The following RCAN2 variants were observed in gnomAD, a reference collection of about 807,000 sequenced individuals.
RCAN2 encodes regulator of calcineurin 2.
Under a neutral mutation model 23.6 loss-of-function variants are expected in RCAN2, and 9 were observed. That is an observed-to-expected ratio of 0.38 (90% CI 0.23 to 0.67). The LOEUF (loss-of-function observed/expected upper bound fraction) is 0.67. RCAN2 is among the 30% of genes least tolerant of loss of function. The pLI is 0.51. For synonymous variants in RCAN2, 109 were observed against 115.7 expected, an observed-to-expected ratio of 0.94 and a Z score of 0.37; for missense variants, 273 against 302.3, an observed-to-expected ratio of 0.90 and a Z score of 0.72.
chr6:46,263,676 C>T (rs991687380), intron 2 of RCAN2, among the ~76,000 whole-genome samples: 1 of 146,470 alleles, frequency 6.8e-6, no homozygotes, highest in Admixed American at 6.9e-5. Context: ...ATTCTCCAGG[C>T]AGGAGAGCAG....
intron 2 of RCAN2, among the ~76,000 whole-genome samples, chr6:46,252,939 C>CT (rs1269234831): frequency 6.6e-6 from 1 of 152,172 alleles, no homozygotes; most frequent in African/African-American, 2.4e-5. Flanking sequence ...GTAGTAGTTT[C>CT]TTAAAGTGTA....
At chr6:46,232,719 G>C (rs1366005498) in intron 4 of RCAN2, among the ~76,000 whole-genome samples, 1 of 148,448 alleles carries the variant, frequency 6.7e-6, no homozygotes, top group East Asian at 2.0e-4. Context: ...CTTAAACCCA[G>C]GAAGTGGTAG....
chr6:46,261,465 A>G lies in RCAN2; in HGVS notation c.226-12569T>C, dbSNP rs537142292. Among the ~76,000 whole-genome samples the G allele has an allele frequency of 2.6e-5, 4 of 152,296 alleles. No homozygotes were observed. In the South Asian group the frequency reaches 8.3e-4, roughly 32 times the overall value. ...TAAATTAGTATATTTATATCACTTTAAAAGGTTGCTGAGCACAGTAAGTGT... is the reference window on the plus strand; with the variant it reads ...TAAATTAGTATATTTATATCACTTTGAAAGGTTGCTGAGCACAGTAAGTGT... On this transcript the variant is annotated intron_variant, in intron 2 of 4. Transcript: ENST00000371374.
chr6:46,420,172 TAAAA>T (rs993845440), intron 2 of RCAN2, among the ~76,000 whole-genome samples: 4 of 144,426 alleles, frequency 2.8e-5, no homozygotes, highest in African/African-American at 1.0e-4. Context: ...ACCCTCACAT[TAAAA>T]AAAAAAACAA....
chr6:46,239,353 T>C (rs529088084), intron 4 of RCAN2, among the ~76,000 whole-genome samples: 1 of 152,340 alleles, frequency 6.6e-6, no homozygotes, highest in South Asian at 2.1e-4. Flanking sequence ...CTTTGTAACC[T>C]TTTTTCTCTC....
chr6:46,388,797 T>C (rs1450667011), intron 2 of RCAN2, among the ~76,000 whole-genome samples: 1 of 152,042 alleles, frequency 6.6e-6, no homozygotes, highest in African/African-American at 2.4e-5. Context: ...GGGGCCTGTG[T>C]TGGGGAGCCG....
chr6:46,452,510 C>G (rs968820061), intron 2 of RCAN2, among the ~76,000 whole-genome samples: 1 of 152,200 alleles, frequency 6.6e-6, no homozygotes, highest in African/African-American at 2.4e-5. Flanking sequence ...GCCAGTTTCC[C>G]TAACAGAACA....
chr6:46,434,324 G>A (rs914519564), intron 2 of RCAN2, among the ~76,000 whole-genome samples: 9 of 152,278 alleles, frequency 5.9e-5, no homozygotes, highest in African/African-American at 2.2e-4. Flanking sequence ...CCTGAGAGTG[G>A]GTGCAGTAAT....
intron 2 of RCAN2, among the ~76,000 whole-genome samples, chr6:46,389,739 C>A (rs150243616): frequency 5.9e-5 from 9 of 152,340 alleles, no homozygotes; most frequent in Admixed American, 3.9e-4. Flanking sequence ...TTATAGCCCG[C>A]TTGAGGCTGC....
chr6:46,454,390 C>A (rs1767963602), intron 2 of RCAN2, among the ~76,000 whole-genome samples: 1 of 152,144 alleles, frequency 6.6e-6, no homozygotes, highest in Admixed American at 6.6e-5. Context: ...GGAGTCCCAG[C>A]AATCATGCCT....
At chr6:46,389,120 C>T (rs989579726) in intron 2 of RCAN2, among the ~76,000 whole-genome samples, 1 of 152,030 alleles carries the variant, frequency 6.6e-6, no homozygotes, top group South Asian at 2.1e-4. Flanking sequence ...CGAATACTAT[C>T]CTAATTATTT....
chr6:46,411,081 G>A (rs1766537785), intron 2 of RCAN2, among the ~76,000 whole-genome samples: 1 of 152,166 alleles, frequency 6.6e-6, no homozygotes, highest in Non-Finnish European at 1.5e-5. Flanking sequence ...ACAGTTTCTG[G>A]GAAGATCATA....
At chr6:46,301,097 A>G (rs1216623894) in intron 2 of RCAN2, among the ~76,000 whole-genome samples, 3 of 152,092 alleles carry the variant, frequency 2.0e-5, no homozygotes, top group African/African-American at 7.2e-5. Context: ...GTAGGAGGAA[A>G]TGAAAATTCC....
At chr6:46,290,744 G>A (rs1762531229) in intron 2 of RCAN2, among the ~76,000 whole-genome samples, 1 of 152,202 alleles carries the variant, frequency 6.6e-6, no homozygotes, top group Non-Finnish European at 1.5e-5. Flanking sequence ...AAAGATATAT[G>A]ACTAAAACCG....
chr6:46,272,560 T>C (rs1210380586), intron 2 of RCAN2, among the ~76,000 whole-genome samples: 3 of 152,230 alleles, frequency 2.0e-5, no homozygotes, highest in Non-Finnish European at 4.4e-5. Flanking sequence ...ACTACTTTTA[T>C]GTATATTAAA....
chr6:46,223,360 A>T, intron 4 of RCAN2, 59 bp from the exon 5 acceptor site: 4 of 1,508,398 alleles, frequency 2.7e-6, no homozygotes, highest in Non-Finnish European at 3.7e-6. Context: ...GAGATCCTGG[A>T]GCAGGGTCTG....
chr6:46,409,482 A>G (rs1455563076), intron 2 of RCAN2, among the ~76,000 whole-genome samples: 1 of 152,220 alleles, frequency 6.6e-6, no homozygotes, highest in East Asian at 1.9e-4. Context: ...TACATACACT[A>G]GACTCTCCAT....
intron 2 of RCAN2, among the ~76,000 whole-genome samples, chr6:46,419,382 T>A (rs1380096492): frequency 6.6e-6 from 1 of 152,222 alleles, no homozygotes; most frequent in Non-Finnish European, 1.5e-5. Flanking sequence ...TAGTATGCTC[T>A]TCTCCCAATA....
intron 2 of RCAN2, among the ~76,000 whole-genome samples, chr6:46,288,552 T>C (rs559464561): frequency 6.6e-6 from 1 of 152,352 alleles, no homozygotes; most frequent in South Asian, 2.1e-4. Context: ...GACTAGTAAC[T>C]ATTGTTCCCC....
Sources: allele counts gnomAD v4.1 joint callset (sites outside exome capture counted in the v4.1 genomes callset), GRCh38; gene constraint gnomAD v4.1.1; transcripts MANE v1.5; gene names NCBI Gene and HGNC (gene_info 2026-07-23, HGNC 2026-07-21).